DNAJC6: variants seen among roughly 807,000 people sequenced by gnomAD.
DNAJC6 encodes auxilin.
In DNAJC6, 34 loss-of-function variants were observed where a neutral mutation model predicts 110.0. The ratio of observed to expected loss-of-function variants is 0.31; its 90% CI spans 0.24 to 0.41. DNAJC6 has a LOEUF of 0.41. Among genes scored for constraint, DNAJC6 ranks in the 10% least tolerant of loss-of-function variants. The pLI is 1.00. For missense variants in DNAJC6, 1,031 were observed against 1,207.8 expected (o/e 0.85, Z 2.17); for synonymous variants, 406 against 437.2 (o/e 0.93, Z 0.89).
chr1:65,362,031 ATAATAT>A lies in DNAJC6; in HGVS notation c.194-2598_194-2593del, dbSNP rs1218184027. Among the ~76,000 whole-genome samples, 2 of 152,206 alleles carry A rather than the reference ATAATAT, an allele frequency of 1.3e-5. 1 individual carries two copies. Among genetic ancestry groups the A allele is most frequent in the African/African-American group, 4.8e-5 (2 of 41,470 alleles). ...TATGTACAGCTTGAAATCTTGGAAA[ATAATAT>A]TAATACATTTTTTGTGGATACAAAC... is the stretch of plus-strand genomic sequence containing the variant. On this transcript the variant is annotated intron_variant, in intron 1 of 18. Coordinates refer to ENST00000371069, the MANE Select transcript of DNAJC6 (RefSeq NM_001256864.2).
At chr1:65,278,975 C>T (rs1653761022) in intron 1 of DNAJC6, 2 of 985,260 alleles carry the variant, frequency 2.0e-6, no homozygotes, top group African/African-American at 3.5e-5. Context: ...CCTCCTCCAT[C>T]CCCTTCCCCA....
chr1:65,301,879 G>C (rs902434032), intron 1 of DNAJC6, among the ~76,000 whole-genome samples: 40 of 151,786 alleles, frequency 2.6e-4, no homozygotes, highest in African/African-American at 9.4e-4. Context: ...TCTTCCCCCA[G>C]GGATGGGGCA....
At chr1:65,316,464 A>C (rs1273930395) in intron 1 of DNAJC6, among the ~76,000 whole-genome samples, 4 of 152,182 alleles carry the variant, frequency 2.6e-5, no homozygotes, top group Non-Finnish European at 4.4e-5. Flanking sequence ...TTGAGTTGTG[A>C]CATGCTGCCT....
intron 11 of DNAJC6, 69 bp from the exon 12 acceptor site, chr1:65,392,362 A>T (rs900056403): frequency 7.2e-7 from 1 of 1,382,200 alleles, no homozygotes; most frequent in Non-Finnish European, 9.8e-7. Context: ...TTATATACAT[A>T]TATTATAACA....
intron 5 of DNAJC6, among the ~76,000 whole-genome samples, chr1:65,380,899 T>G (rs6588141): frequency 0.63 from 85,960 of 135,412 alleles, 28,225 homozygotes; most frequent in African/African-American, 0.78. Flanking sequence ...AGTTTTTTTT[T>G]TTTTGTTTTT....
In DNAJC6 at chr1:65,303,551, T is replaced by G. The variant is rs59260648; in HGVS notation, c.-131+38619T>G. ...TATTATGTGCTTCCATGCGCCTCAT[T>G]TGATTCTCTCTTCTTTTTTTTTTTT... On this transcript the variant is annotated intron_variant, in intron 1 of 19. Transcript: ENST00000263441. 3.5e-3 allele frequency among the ~76,000 whole-genome samples: 468 copies of G among 134,852 alleles called. 1 individual carries two copies. Among genetic ancestry groups the G allele is most frequent in the African/African-American group, 0.013 (450 of 34,772 alleles). The allele number at this position is 134,852 out of a possible 152,430, so 88.5% of individuals were successfully genotyped here.
intron 1 of DNAJC6, among the ~76,000 whole-genome samples, chr1:65,341,050 T>G (rs1214575009): frequency 1.3e-5 from 2 of 152,182 alleles, no homozygotes; most frequent in Non-Finnish European, 2.9e-5. Context: ...ATGCAACCTC[T>G]CTGAGCCTCA....
chr1:65,369,356 A>C (rs1419569664), intron 4 of DNAJC6, among the ~76,000 whole-genome samples: 6 of 152,048 alleles, frequency 3.9e-5, no homozygotes, highest in African/African-American at 1.4e-4. Flanking sequence ...CAGCACTAAC[A>C]CTGTGAATGG....
At chr1:65,319,628 TA>T (rs1241182133) in intron 1 of DNAJC6, among the ~76,000 whole-genome samples, 1 of 149,444 alleles carries the variant, frequency 6.7e-6, no homozygotes, top group South Asian at 2.1e-4. Context: ...CTGGAAAAAA[TA>T]AAAAAAACAA....
intron 1 of DNAJC6, among the ~76,000 whole-genome samples, chr1:65,340,816 T>G (rs1042443342): frequency 6.6e-6 from 1 of 152,198 alleles, no homozygotes; most frequent in Non-Finnish European, 1.5e-5. Context: ...GCTGTGGCTG[T>G]GTTATTACAC....
chr1:65,296,692 A>G (rs1235778777), intron 1 of DNAJC6, among the ~76,000 whole-genome samples: 1 of 151,682 alleles, frequency 6.6e-6, no homozygotes, highest in Non-Finnish European at 1.5e-5. Flanking sequence ...GGTTCAAGCA[A>G]TTCTCTGCCT....
chr1:65,306,982 CTCTCTCTCTCT>C (rs1645046562), upstream of DNAJC6, among the ~76,000 whole-genome samples: 1 of 53,778 alleles, frequency 1.9e-5, no homozygotes, highest in Admixed American at 2.2e-4. Context: ...TTCTCTCTCT[CTCTCTCTCTCT>C]CTCTCTCTCT....
intron 1 of DNAJC6, among the ~76,000 whole-genome samples, chr1:65,278,444 TTTTCA>T (rs1440036707): frequency 6.6e-6 from 1 of 152,216 alleles, no homozygotes; most frequent in East Asian, 1.9e-4. Flanking sequence ...TGACACTTAC[TTTTCA>T]GTCTTTTCAG....
Position 65,379,510 on chromosome 1 carries a change from G to A in DNAJC6, c.652G>A (p.Val218Ile). The change falls in exon 5 of 19, where the codon GTT becomes ATT. Residue 218 changes from valine (V) to isoleucine (I), a missense_variant. Val to Ile is a conservative substitution (Grantham distance 29). Coordinates refer to ENST00000371069, the MANE Select transcript of DNAJC6 (RefSeq NM_001256864.2). ...WLLQNPKNVC[V>I]VHCLDGRAAS... is the part of the protein sequence containing the mutation. ...ACTGCAGAATCCCAAAAATGTCTGTGTTGTCCACTGCTTGGTGAGTAACCT... is the reference window on the plus strand; with the variant it reads ...ACTGCAGAATCCCAAAAATGTCTGTATTGTCCACTGCTTGGTGAGTAACCT... The A allele has an allele frequency of 6.2e-7, 1 of 1,613,988 alleles. No homozygotes were observed. The highest frequency in any genetic ancestry group is 8.5e-7 in the Non-Finnish European group (1 of 1,179,956).
intron 1 of DNAJC6, among the ~76,000 whole-genome samples, chr1:65,311,371 C>A (rs1645099903): frequency 6.6e-6 from 1 of 151,550 alleles, no homozygotes; most frequent in Non-Finnish European, 1.5e-5. Flanking sequence ...ATTACAGGCA[C>A]CTGTCACCAT....
chr1:65,295,318 GA>G (rs914988894), intron 1 of DNAJC6, among the ~76,000 whole-genome samples: 49 of 152,252 alleles, frequency 3.2e-4, no homozygotes, highest in Admixed American at 2.4e-3. Flanking sequence ...TGTTCTCTCA[GA>G]TCACTTGTCT....
At chr1:65,329,957 AG>A (rs1244389132) in intron 1 of DNAJC6, among the ~76,000 whole-genome samples, 3 of 152,208 alleles carry the variant, frequency 2.0e-5, no homozygotes, top group African/African-American at 7.2e-5. Context: ...TTGAATTTAT[AG>A]GTCCCTCATG....
intron 1 of DNAJC6, among the ~76,000 whole-genome samples, chr1:65,322,217 T>G (rs1244191614): frequency 6.6e-6 from 1 of 152,174 alleles, no homozygotes; most frequent in Non-Finnish European, 1.5e-5. Flanking sequence ...TCTTAAAAAT[T>G]AACCCCCCCA....
chr1:65,327,313 T>C (rs771987354), intron 1 of DNAJC6, among the ~76,000 whole-genome samples: 1 of 152,190 alleles, frequency 6.6e-6, no homozygotes, highest in Non-Finnish European at 1.5e-5. Flanking sequence ...GATATAATTA[T>C]GGATAAAGAA....
Sources: gnomAD v4.1 joint callset for allele counts (sites outside exome capture counted in the v4.1 genomes callset) on GRCh38, gnomAD v4.1.1 for gene constraint, MANE v1.5 for transcripts, NCBI Gene and HGNC (gene_info 2026-07-23, HGNC 2026-07-21) for gene names.